CBL: variants seen among roughly 807,000 people sequenced by gnomAD.
CBL encodes E3 ubiquitin-protein ligase CBL.
In CBL, 45 loss-of-function variants were observed where a neutral mutation model predicts 96.9. That is an observed-to-expected ratio of 0.46 (90% CI 0.37 to 0.60). The LOEUF (loss-of-function observed/expected upper bound fraction) is 0.60, where lower values mean the gene tolerates loss of function less well. Among genes scored for constraint, CBL ranks in the 20% least tolerant of loss-of-function variants. CBL has a pLI of 0.00. For synonymous variants in CBL, 420 were observed against 426.8 expected (o/e 0.98, Z 0.20); for missense variants, 1,024 against 1,143.5 (o/e 0.90, Z 1.51).
intron 2 of CBL, among the ~76,000 whole-genome samples, chr11:119,270,436 A>ATATATATTTTT (rs1565870008): frequency 2.6e-5 from 1 of 38,656 alleles, no homozygotes; most frequent in African/African-American, 1.1e-4. Flanking sequence ...ATATATATAT[A>ATATATATTTTT]TTTTTTTTTT....
intron 1 of CBL, among the ~76,000 whole-genome samples, chr11:119,209,877 T>G (rs1298259805): frequency 1.3e-5 from 2 of 152,144 alleles, no homozygotes; most frequent in Non-Finnish European, 2.9e-5. Context: ...TTATGGAACT[T>G]AAACTTAACT....
At chr11:119,251,879 T>C (rs1949672018) in intron 2 of CBL, among the ~76,000 whole-genome samples, 1 of 152,214 alleles carries the variant, frequency 6.6e-6, no homozygotes, top group Admixed American at 6.5e-5. Flanking sequence ...TTGTGAAGTC[T>C]ACAACTGCAT....
intron 3 of CBL, among the ~76,000 whole-genome samples, chr11:119,273,365 T>TGA (rs2135298304): frequency 1.3e-5 from 2 of 152,336 alleles, no homozygotes; most frequent in Non-Finnish European, 2.9e-5. Context: ...GCCAGAAGTT[T>TGA]GAGACTACTA....
At position 119,299,677 on chromosome 11, in the gene CBL, G is replaced by A; in HGVS notation, c.2617G>A (p.Asp873Asn). Reference protein sequence around the residue: ...NLMSQGYSYQDIQKALVIAQN... With the variant: ...NLMSQGYSYQNIQKALVIAQN... ...CATGAGTCAGGGGTACTCCTACCAG[G>A]ACATCCAGAAAGCTTTGGTCATTGC... The change falls in exon 16 of 16, where the codon GAC (aspartate) becomes AAC (asparagine). Residue 873 changes from aspartate (D) to asparagine (N), a missense_variant. This residue lies in a region of CBL where 695 missense variants were observed against 661.6 expected (regional missense o/e 1.05). Transcript: ENST00000264033. The A allele has an allele frequency of 6.2e-7, 1 of 1,614,200 alleles. No homozygotes were observed. Among genetic ancestry groups the A allele is most frequent in the Non-Finnish European group, 8.5e-7 (1 of 1,180,034 alleles).
rs2135243980 is a variant in CBL, at chr11:119,206,459, C to T, written c.42C>T (p.Gly14=). 1 of 1,577,494 alleles carries T rather than the reference C, an allele frequency of 6.3e-7. No homozygotes were observed. The highest frequency in any genetic ancestry group is 8.6e-7 in the Non-Finnish European group (1 of 1,166,336). Residue 14 remains glycine (G), a synonymous_variant, in exon 1 of 16, where the codon GGC becomes GGT. Transcript: ENST00000264033. ...NVKKSSGAGG[G]SGSGGSGSGG... ...AGAAGAGCTCTGGGGCCGGGGGCGG[C>T]AGCGGCTCCGGGGGCTCGGGTTCGG...
intron 1 of CBL, among the ~76,000 whole-genome samples, chr11:119,207,013 G>A (rs1016086507): frequency 6.6e-6 from 1 of 152,088 alleles, no homozygotes; most frequent in Non-Finnish European, 1.5e-5. Flanking sequence ...GTGAGGAAGA[G>A]TGATGTACCG....
At chr11:119,251,760 C>T (rs1949671367) in intron 2 of CBL, among the ~76,000 whole-genome samples, 2 of 152,126 alleles carry the variant, frequency 1.3e-5, no homozygotes, top group South Asian at 2.1e-4. Context: ...TGTAAAACTA[C>T]GGTATTATAG....
At chr11:119,274,996 TTATC>T in intron 5 of CBL, 43 bp downstream of exon 5, 1 of 1,537,400 alleles carries the variant, frequency 6.5e-7, no homozygotes, top group Non-Finnish European at 8.7e-7. Flanking sequence ...CTGAATTTCG[TTATC>T]TTGAGACTTC....
chr11:119,210,318 A>G (rs1328102119), intron 1 of CBL, among the ~76,000 whole-genome samples: 1 of 152,078 alleles, frequency 6.6e-6, no homozygotes, highest in Non-Finnish European at 1.5e-5. Flanking sequence ...AGAGGCTGCA[A>G]TGAGCTGTTG....
intron 6 of CBL, among the ~76,000 whole-genome samples, chr11:119,277,103 C>T (rs576478149): frequency 7.9e-5 from 12 of 152,170 alleles, no homozygotes; most frequent in East Asian, 1.9e-4. Flanking sequence ...AAAAGTTAGC[C>T]GGACGTGGTG....
intron 9 of CBL, among the ~76,000 whole-genome samples, chr11:119,282,108 C>CCAGAGAATGGCTT (rs1949939963): frequency 6.6e-6 from 1 of 151,388 alleles, no homozygotes; most frequent in African/African-American, 2.5e-5. Flanking sequence ...GAGGCCGAAG[C>CCAGAGAATGGCTT]GGGCAGATCA....
chr11:119,240,538 T>C (rs762465927), intron 2 of CBL, among the ~76,000 whole-genome samples: 11 of 152,218 alleles, frequency 7.2e-5, no homozygotes, highest in South Asian at 2.1e-4. Flanking sequence ...GCAGAAGATA[T>C]GACTCTTAGT....
intron 2 of CBL, among the ~76,000 whole-genome samples, chr11:119,258,206 C>T (rs558108205): frequency 1.1e-4 from 16 of 152,024 alleles, no homozygotes; most frequent in African/African-American, 3.4e-4. Flanking sequence ...CCAGCCTGGG[C>T]GACAAGTGAG....
intron 2 of CBL, among the ~76,000 whole-genome samples, chr11:119,241,671 G>A (rs1949587598): frequency 6.6e-6 from 1 of 152,156 alleles, no homozygotes; most frequent in Non-Finnish European, 1.5e-5. Context: ...AAATTCTTCT[G>A]GTAGGTAATG....
At chr11:119,235,333 T>C (rs1225817770) in intron 2 of CBL, among the ~76,000 whole-genome samples, 1 of 152,310 alleles carries the variant, frequency 6.6e-6, no homozygotes. Flanking sequence ...TTGGCTGGTC[T>C]CAAACTCCTG....
In CBL at chr11:119,306,993, C is replaced by T. The variant is rs1194910077; in HGVS notation, c.*7212C>T. On this transcript the variant is annotated 3_prime_UTR_variant, in exon 16 of 16. Transcript: ENST00000264033. ...TGCCTTTCTAAGGCAGCACTGTATC[C>T]CAGGCTGCATTTTAGGACTTAATAT... The T allele has an allele frequency of 1.8e-5, 4 of 228,102 alleles. No individual in the cohort carries two copies. Among genetic ancestry groups the T allele is most frequent in the African/African-American group, 8.9e-5 (4 of 44,866 alleles). 14.1% of individuals were successfully genotyped at this position (228,102 alleles called of 1,614,324 possible). A position where few individuals can be genotyped will look rare whatever the true frequency, so the allele number is the denominator to read the frequency against.
intron 2 of CBL, among the ~76,000 whole-genome samples, chr11:119,242,469 C>T (rs1333275272): frequency 8.8e-5 from 12 of 136,058 alleles, no homozygotes; most frequent in Non-Finnish European, 1.5e-4. Context: ...ACCCAGGAGG[C>T]GGAGGTTGCA....
Position 119,264,204 on chromosome 11 carries a change from A to G in CBL, c.444-7531A>G, listed in dbSNP as rs756191295. ...GTTAAAATACACTTACCTGTAAATTATTGGGGGTTTTCTTCAGTGGATTTT... is the reference window on the plus strand; with the variant it reads ...GTTAAAATACACTTACCTGTAAATTGTTGGGGGTTTTCTTCAGTGGATTTT... On this transcript the variant is annotated intron_variant, in intron 2 of 15. Coordinates refer to ENST00000264033, the MANE Select transcript of CBL (RefSeq NM_005188.4). 2.6e-5 allele frequency among the ~76,000 whole-genome samples: 4 copies of G among 152,124 alleles called. No individual in the cohort carries two copies. The South Asian group carries it at 6.2e-4, about 24-fold the overall frequency.
intron 11 of CBL, among the ~76,000 whole-genome samples, chr11:119,286,633 A>G (rs1476979214): frequency 6.6e-6 from 1 of 152,180 alleles, no homozygotes; most frequent in African/African-American, 2.4e-5. Flanking sequence ...GGAACATCAC[A>G]CTAGATTAGA....
Sources: allele counts gnomAD v4.1 joint callset (sites outside exome capture counted in the v4.1 genomes callset), GRCh38; gene constraint gnomAD v4.1.1; regional missense constraint gnomAD v4.1.1; transcripts MANE v1.5; gene names NCBI Gene and HGNC (gene_info 2026-07-23, HGNC 2026-07-21).